The following ETNK2 variants were observed in gnomAD, a reference collection of about 807,000 sequenced individuals.
ETNK2 encodes the protein ethanolamine kinase 2.
ETNK2 carries 33 observed loss-of-function variants against 46.2 expected under a neutral mutation model. The observed-to-expected ratio is 0.71, with a 90% confidence interval of 0.54 to 0.96. ETNK2 has a LOEUF of 0.96. Among genes scored for constraint, ETNK2 ranks in the 40% least tolerant of loss-of-function variants. The pLI, the probability that ETNK2 is intolerant of heterozygous loss-of-function variation, is 0.00. For synonymous variants in ETNK2, 194 were observed against 209.0 expected, an observed-to-expected ratio of 0.93 and a Z score of 0.62; for missense variants, 445 against 509.7, an observed-to-expected ratio of 0.87 and a Z score of 1.22.
At position 204,140,915 on chromosome 1, in the gene ETNK2, C is replaced by T. The variant is rs1657495088; in HGVS notation, c.784+400G>A. 3 of 343,782 alleles carry T rather than the reference C, an allele frequency of 8.7e-6. 1 individual carries two copies. The highest frequency in any genetic ancestry group is 4.6e-5 in the South Asian group (2 of 43,032). 21.3% of individuals were successfully genotyped at this position (343,782 alleles called of 1,614,324 possible). A position where few individuals can be genotyped will look rare whatever the true frequency, so the allele number is the denominator to read the frequency against. ...ATGGCTCACTGCAGCCTCCACCTCC[C>T]AGGCTCAAGTGATTCTCCTGCCTCA... is the stretch of plus-strand genomic sequence containing the variant. On this transcript the variant is annotated intron_variant, in intron 4 of 7. Transcript: ENST00000367202.
chr1:204,134,531 C>G lies in ETNK2; in HGVS notation c.1072G>C (p.Asp358His). The change falls in exon 7 of 8, where the codon GAC (aspartate) becomes CAC (histidine). Residue 358 changes from aspartate to histidine, a missense_variant. Coordinates refer to ENST00000367202, the MANE Select transcript of ETNK2 (RefSeq NM_018208.4). ...ALIQNQYSTI[D>H]FDFLRYAVIR... ...CACACTCACCTGAGGAAATCAAAGT[C>G]GATGGTGGAGTACTGGTTCTGGATG... 6.2e-7 allele frequency: 1 copy of G among 1,613,864 alleles called. No homozygotes were observed. Among genetic ancestry groups the G allele is most frequent in the Non-Finnish European group, 8.5e-7 (1 of 1,179,870 alleles).
At chr1:204,132,313 T>TG in intron 7 of ETNK2, 57 bp from the exon 8 acceptor site, 1 of 1,398,292 alleles carries the variant, frequency 7.2e-7, no homozygotes, top group African/African-American at 1.4e-5. Context: ...TGGGCCCTGC[T>TG]GGGGGTGCTG....
At chr1:204,138,363 C>G (rs1380617542) in intron 5 of ETNK2, among the ~76,000 whole-genome samples, 2 of 152,204 alleles carry the variant, frequency 1.3e-5, no homozygotes, top group African/African-American at 4.8e-5. Flanking sequence ...CTGCAATCTA[C>G]CCCTTTGGAG....
At chr1:204,139,176 A>G (rs1265964805) in intron 5 of ETNK2, among the ~76,000 whole-genome samples, 1 of 152,212 alleles carries the variant, frequency 6.6e-6, no homozygotes, top group Non-Finnish European at 1.5e-5. Flanking sequence ...CATAGCACAT[A>G]TTTAGATCCT....
In ETNK2 at chr1:204,131,686, G is replaced by C. The variant is rs1036816829; in HGVS notation, c.*498C>G. On this transcript the variant is annotated 3_prime_UTR_variant, in exon 8 of 8. Transcript: ENST00000367202. The surrounding 1 kb of genome is among the most constrained non-coding windows in gnomAD (Gnocchi z 4.3). ...ATTCTTGGCCCCCACCCATCACCAA[G>C]ATAGGTACATCCATGTGTCAGAGTT... The C allele has an allele frequency of 1.2e-5, 2 of 162,476 alleles. No homozygotes were observed. Among genetic ancestry groups the C allele is most frequent in the Non-Finnish European group, 2.7e-5 (2 of 73,378 alleles). The allele number at this position is 162,476 out of a possible 1,614,324, so 10.1% of individuals were successfully genotyped here. A position where few individuals can be genotyped will look rare whatever the true frequency, so the allele number is the denominator to read the frequency against.
At chr1:204,140,601 T>C (rs1335104723) in intron 4 of ETNK2, among the ~76,000 whole-genome samples, 1 of 151,854 alleles carries the variant, frequency 6.6e-6, no homozygotes, top group Non-Finnish European at 1.5e-5. Context: ...CTCGGCTCAC[T>C]GCAACCTCTG....
Position 204,151,685 on chromosome 1 carries a change from A to C in ETNK2, c.168T>G (p.Ile56Met). Residue 56 changes from isoleucine (I) to methionine (M), a missense_variant, in exon 1 of 8, where the codon ATT (isoleucine) becomes ATG (methionine). By Grantham distance (10) the Ile-to-Met change is conservative. Transcript: ENST00000367202. This position sits in a 1 kb window ranked among gnomAD's most constrained non-coding sequence, Gnocchi z 8.0. ...PRAAAVAYFG[I>M]SVDPDDILPG... is the part of the protein sequence containing the mutation. Reference sequence around the variant, plus strand: ...GAAGGATGTCGTCCGGGTCCACGGAAATGCCGAAGTACGCGACGGCGGCGG... The same window carrying C: ...GAAGGATGTCGTCCGGGTCCACGGACATGCCGAAGTACGCGACGGCGGCGG... The C allele has an allele frequency of 6.5e-7, 1 of 1,546,550 alleles. No individual in the cohort carries two copies.
In ETNK2 at chr1:204,148,793, G is replaced by A. The variant is rs576319732; in HGVS notation, c.518+910C>T. 2.6e-5 allele frequency among the ~76,000 whole-genome samples: 4 copies of A among 152,288 alleles called. No individual in the cohort carries two copies. In the East Asian group the frequency reaches 7.7e-4, roughly 29 times the overall value. ...AAAGAAGCTTCTTGCTCTACCCCCA[G>A]GTGGGCTTGTTTCCCCTCAGTATGC... On this transcript the variant is annotated intron_variant, in intron 2 of 7. Transcript: ENST00000367202.
intron 2 of ETNK2, 106 bp from the exon 3 acceptor site, chr1:204,146,870 G>T (rs1382623774): frequency 7.1e-7 from 1 of 1,417,152 alleles, no homozygotes; most frequent in South Asian, 1.2e-5. Context: ...CAGGGCACTT[G>T]CCAGAGGGCC....
In ETNK2 at chr1:204,131,996, C is replaced by T. The variant is rs777186551; in HGVS notation, c.*188G>A. 1.6e-6 allele frequency: 1 copy of T among 608,552 alleles called. No individual in the cohort carries two copies. Among genetic ancestry groups the T allele is most frequent in the Non-Finnish European group, 3.0e-6 (1 of 337,782 alleles). The allele number at this position is 608,552 out of a possible 1,614,324, so 37.7% of individuals were successfully genotyped here. On this transcript the variant is annotated 3_prime_UTR_variant, in exon 8 of 8. Coordinates refer to ENST00000367202, the MANE Select transcript of ETNK2 (RefSeq NM_018208.4). The surrounding 1 kb of genome is among the most constrained non-coding windows in gnomAD (Gnocchi z 4.3). ...CCGGAAGGGGGTCCTATCAGCCCCT[C>T]CAGACAGGAGAATGAGGTCTTCAGT...
chr1:204,144,345 C>CAAAAAAAAAAAGAAAA (rs1657689277), intron 3 of ETNK2, among the ~76,000 whole-genome samples: 1 of 33,342 alleles, frequency 3.0e-5, no homozygotes, highest in Non-Finnish European at 5.1e-5. Flanking sequence ...GAATCCATCT[C>CAAAAAAAAAAAGAAAA]AAAAAAAAAA....
At chr1:204,140,156 G>A (rs1011406896) in intron 4 of ETNK2, 38 bp from the exon 5 acceptor site, 2 of 1,568,082 alleles carry the variant, frequency 1.3e-6, no homozygotes, top group African/African-American at 2.7e-5. Context: ...GTTGGCCCAG[G>A]AGATCTGGCA....
chr1:204,144,713 C>T (rs774339375), intron 3 of ETNK2, among the ~76,000 whole-genome samples: 1 of 152,132 alleles, frequency 6.6e-6, no homozygotes, highest in East Asian at 1.9e-4. Context: ...CTGTAGTCCA[C>T]CCCCGCCCCC....
Position 204,132,097 on chromosome 1 carries a change from C to A in ETNK2, c.*87G>T. 4 of 1,089,514 alleles carry A rather than the reference C, an allele frequency of 3.7e-6. No homozygotes were observed. Among genetic ancestry groups the A allele is most frequent in the Non-Finnish European group, 5.5e-6 (4 of 726,896 alleles). The allele number at this position is 1,089,514 out of a possible 1,614,324, so 67.5% of individuals were successfully genotyped here. A position where few individuals can be genotyped will look rare whatever the true frequency, so the allele number is the denominator to read the frequency against. On this transcript the variant is annotated 3_prime_UTR_variant, in exon 8 of 8. Coordinates refer to ENST00000367202, the MANE Select transcript of ETNK2 (RefSeq NM_018208.4). ...CATGTGTCCCCTCTCCCACCCTGTC[C>A]AAGGGTGTGGATCCCAGAGTGCAGA...
chr1:204,149,995 T>A, intron 1 of ETNK2, 33 bp from the exon 2 acceptor site: 1 of 45,228 alleles, frequency 2.2e-5, no homozygotes, highest in Non-Finnish European at 4.2e-5. Context: ...CGTGGGTGGG[T>A]GGGTGGGGCA....
intron 2 of ETNK2, chr1:204,147,570 C>A (rs772246588): frequency 1.9e-6 from 1 of 532,512 alleles, no homozygotes; most frequent in Non-Finnish European, 3.9e-6. Flanking sequence ...CACCCCCCAA[C>A]CGTCTGCTAA....
chr1:204,150,053 G>A, intron 1 of ETNK2, 91 bp from the exon 2 acceptor site: 2 of 1,407,186 alleles, frequency 1.4e-6, no homozygotes, highest in South Asian at 1.4e-5. Flanking sequence ...AGCAGGAGGT[G>A]CTCATTTGAA....
Position 204,140,110 on chromosome 1 carries a change from G to A in ETNK2, c.793C>T (p.Arg265Trp), listed in dbSNP as rs565275436. ...CCAGCATATTCATAGTCAATGAACC[G>A]CACGTGACCTATGAAGTAGAGGAGA... ...IIYDSIKGHVRFIDYEYAGYN... is the reference protein window; with the variant it reads ...IIYDSIKGHVWFIDYEYAGYN... Residue 265 changes from arginine (R) to tryptophan (W), a missense_variant, in exon 5 of 8, where the codon CGG becomes TGG. Physicochemically the swap from Arg to Trp is moderately radical, Grantham distance 101. Transcript: ENST00000367202. The A allele has an allele frequency of 1.2e-5, 20 of 1,613,396 alleles. No homozygotes were observed. Among genetic ancestry groups the A allele is most frequent in the African/African-American group, 5.3e-5 (4 of 75,004 alleles).
intron 2 of ETNK2, among the ~76,000 whole-genome samples, chr1:204,148,576 A>T (rs904613178): frequency 2.0e-4 from 6 of 29,882 alleles, no homozygotes; most frequent in African/African-American, 1.0e-3. Context: ...CAAGACACAC[A>T]CACACACACA....
Sources: gnomAD v4.1 joint callset for allele counts (sites outside exome capture counted in the v4.1 genomes callset) on GRCh38, gnomAD v4.1.1 for gene constraint, Gnocchi (gnomAD v3.1) non-coding constraint, MANE v1.5 for transcripts, NCBI Gene and HGNC (gene_info 2026-07-23, HGNC 2026-07-21) for gene names.